CFAP44: variants seen among roughly 807,000 people sequenced by gnomAD.
CFAP44 encodes the protein cilia- and flagella-associated protein 44.
A neutral mutation model predicts 216.2 loss-of-function variants in CFAP44; 134 were observed. The observed-to-expected ratio is 0.62, with a 90% confidence interval of 0.54 to 0.72. CFAP44 has a LOEUF of 0.72. Among genes scored for constraint, CFAP44 ranks in the 30% least tolerant of loss-of-function variants. CFAP44 has a pLI of 0.00. For missense variants in CFAP44, 2,035 were observed against 2,182.1 expected, an observed-to-expected ratio of 0.93 and a Z score of 1.34; for synonymous variants, 700 against 727.6, an observed-to-expected ratio of 0.96 and a Z score of 0.61.
chr3:113,401,765 T>C (rs1934148483), intron 9 of CFAP44, 26 bp from the exon 10 acceptor site: 2 of 1,579,818 alleles, frequency 1.3e-6, no homozygotes, highest in Non-Finnish European at 1.7e-6. Context: ...GAAAATACTT[T>C]AATCGATCAG....
intron 21 of CFAP44, among the ~76,000 whole-genome samples, chr3:113,362,324 C>A (rs1042013175): frequency 5.3e-5 from 8 of 152,092 alleles, no homozygotes; most frequent in African/African-American, 1.9e-4. Flanking sequence ...GAAGGCACTC[C>A]TCGTGATGCT....
At chr3:113,358,481 T>A (rs1950511218) in intron 22 of CFAP44, among the ~76,000 whole-genome samples, 1 of 152,148 alleles carries the variant, frequency 6.6e-6, no homozygotes, top group Non-Finnish European at 1.5e-5. Context: ...ATAAAATAAA[T>A]AATTCATCAA....
At position 113,296,652 on chromosome 3, in the gene CFAP44, C is replaced by A. The variant is rs1949883898; in HGVS notation, c.5238+73G>T. On this transcript the variant is annotated intron_variant, in intron 33 of 34. Coordinates refer to ENST00000393845, the MANE Select transcript of CFAP44 (RefSeq NM_001164496.2). ...CAGCTACACAGATGCTTCATGGGTA[C>A]CACTTCCTGCTCCCTGGGATTTCTT... The A allele has an allele frequency of 2.7e-6, 4 of 1,488,376 alleles. No homozygotes were observed. The African/African-American group carries it at 4.2e-5, about 16-fold the overall frequency. 92.2% of individuals were successfully genotyped at this position (1,488,376 alleles called of 1,614,324 possible). A position where few individuals can be genotyped will look rare whatever the true frequency, so the allele number is the denominator to read the frequency against.
intron 28 of CFAP44, among the ~76,000 whole-genome samples, chr3:113,314,786 T>G (rs2107799637): frequency 1.3e-5 from 2 of 152,264 alleles, no homozygotes; most frequent in South Asian, 2.1e-4. Context: ...GTAAGGTTTT[T>G]GTACTTCACT....
chr3:113,298,067 C>T (rs547500822), intron 32 of CFAP44, among the ~76,000 whole-genome samples: 1 of 152,322 alleles, frequency 6.6e-6, no homozygotes, highest in South Asian at 2.1e-4. Flanking sequence ...TGTGTGCTGG[C>T]CTGTGGCTGC....
intron 15 of CFAP44, among the ~76,000 whole-genome samples, chr3:113,386,718 A>G (rs780793496): frequency 6.6e-6 from 1 of 152,184 alleles, no homozygotes; most frequent in Non-Finnish European, 1.5e-5. Context: ...CACACACACA[A>G]AAACACCTTG....
chr3:113,358,590 T>C (rs1337901959), intron 22 of CFAP44, among the ~76,000 whole-genome samples, 155 bp downstream of exon 22: 5 of 152,102 alleles, frequency 3.3e-5, no homozygotes, highest in African/African-American at 1.2e-4. Flanking sequence ...CTCAGGAAAA[T>C]ATCAGTAGCA....
rs371474074 is a variant in CFAP44, at chr3:113,340,180, GC to G, written c.3437+1563del. 1.9e-3 allele frequency among the ~76,000 whole-genome samples: 289 copies of G among 152,322 alleles called. 2 individuals are homozygous for G. The highest frequency in any genetic ancestry group is 5.7e-3 in the African/African-American group (236 of 41,570). On this transcript the variant is annotated intron_variant, in intron 24 of 34. Coordinates refer to ENST00000393845, the MANE Select transcript of CFAP44 (RefSeq NM_001164496.2). ...AGGAGAGGTGCCCTGAGCCATGCATGCCTGCAGCTGTCAAAGTGGAGGCATA... is the reference window on the plus strand; with the variant it reads ...AGGAGAGGTGCCCTGAGCCATGCATGCTGCAGCTGTCAAAGTGGAGGCATA...
At chr3:113,370,740 C>A (rs557493633) in intron 18 of CFAP44, among the ~76,000 whole-genome samples, 2 of 152,076 alleles carry the variant, frequency 1.3e-5, no homozygotes, top group Admixed American at 6.6e-5. Flanking sequence ...GGCAAACAGG[C>A]AAGAGAAAGA....
chr3:113,363,398 A>C (rs1439067938), intron 20 of CFAP44, 79 bp downstream of exon 20: 2 of 1,571,632 alleles, frequency 1.3e-6, no homozygotes, highest in East Asian at 4.5e-5. Context: ...AAAATTCATT[A>C]AGCTTGGTCA....
At chr3:113,439,065 A>ATG in intron 1 of CFAP44, among the ~76,000 whole-genome samples, 1 of 152,316 alleles carries the variant, frequency 6.6e-6, no homozygotes, top group Admixed American at 6.5e-5. Flanking sequence ...GTTCTAGACC[A>ATG]TGTTCTACAT....
Position 113,344,597 on chromosome 3 carries a change from T to C in CFAP44, c.3181A>G (p.Ser1061Gly), listed in dbSNP as rs371742264. 4.6e-6 allele frequency: 7 copies of C among 1,537,160 alleles called. No homozygotes were observed. Among genetic ancestry groups the C allele is most frequent in the Non-Finnish European group, 6.1e-6 (7 of 1,146,866 alleles). The change falls in exon 23 of 35, where the codon AGT becomes GGT. Residue 1061 changes from serine to glycine, a missense_variant. Coordinates refer to ENST00000393845, the MANE Select transcript of CFAP44 (RefSeq NM_001164496.2). ...PSKYSKFKRA[S>G]QSERKPSKLD... is the part of the protein sequence containing the mutation. Reference sequence around the variant, plus strand: ...TTGCTTGGTTTTCTCTCTGATTGACTAGCTCGTTTGAATTTGGAGTACTTA... The same window carrying C: ...TTGCTTGGTTTTCTCTCTGATTGACCAGCTCGTTTGAATTTGGAGTACTTA...
chr3:113,413,243 A>T (rs1368159703), intron 6 of CFAP44, among the ~76,000 whole-genome samples: 1 of 151,874 alleles, frequency 6.6e-6, no homozygotes, highest in Non-Finnish European at 1.5e-5. Flanking sequence ...AAACATGTTT[A>T]AGTTCCTTGT....
At chr3:113,429,085 T>A (rs1347637358) in intron 2 of CFAP44, 4 of 151,726 alleles carry the variant, frequency 2.6e-5, no homozygotes, top group Non-Finnish European at 5.9e-5. Flanking sequence ...TATAAAAAAT[T>A]TATAAGAACT....
intron 34 of CFAP44, chr3:113,294,409 C>G: frequency 2.6e-6 from 1 of 385,432 alleles, no homozygotes; most frequent in Non-Finnish European, 4.7e-6. Flanking sequence ...GTTATTCATA[C>G]CTAAGTAACC....
intron 21 of CFAP44, 41 bp from the exon 22 acceptor site, chr3:113,358,916 T>C: frequency 6.6e-7 from 1 of 1,520,192 alleles, no homozygotes; most frequent in Non-Finnish European, 8.8e-7. Context: ...GGGTACTGTA[T>C]CAACTCTGTT....
At chr3:113,428,492 C>A (rs1935021078) in intron 2 of CFAP44, among the ~76,000 whole-genome samples, 1 of 152,216 alleles carries the variant, frequency 6.6e-6, no homozygotes, top group African/African-American at 2.4e-5. Context: ...ACTTAGGCAA[C>A]TTTGTGAAGG....
intron 9 of CFAP44, 63 bp from the exon 10 acceptor site, chr3:113,401,802 C>T: frequency 6.7e-7 from 1 of 1,481,578 alleles, no homozygotes; most frequent in East Asian, 2.4e-5. Context: ...ATTTTCTAAG[C>T]CAGAAAAACC....
intron 1 of CFAP44, among the ~76,000 whole-genome samples, chr3:113,436,119 A>T (rs1292150601): frequency 6.6e-6 from 1 of 151,818 alleles, no homozygotes; most frequent in African/African-American, 2.4e-5. Context: ...CTCAACATCC[A>T]CTCCAGCACT....
Sources: allele counts gnomAD v4.1 joint callset (sites outside exome capture counted in the v4.1 genomes callset), GRCh38; gene constraint gnomAD v4.1.1; transcripts MANE v1.5; gene names NCBI Gene and HGNC (gene_info 2026-07-23, HGNC 2026-07-21).